The following C1orf146 variants were observed in gnomAD, a reference collection of about 807,000 sequenced individuals.
The protein encoded by C1orf146 is chromosome 1 open reading frame 146, also known as protein SPO16 homolog.
In C1orf146, 22 loss-of-function variants were observed where a neutral mutation model predicts 23.0. That is an observed-to-expected ratio of 0.96 (90% CI 0.68 to 1.36). C1orf146 has a LOEUF of 1.36. C1orf146 is among the 40% of genes most tolerant of loss of function. The pLI is 0.00. For synonymous variants in C1orf146, 59 were observed against 65.3 expected, an observed-to-expected ratio of 0.90 and a Z score of 0.47; for missense variants, 199 against 206.8, an observed-to-expected ratio of 0.96 and a Z score of 0.23.
rs1228924643 is a variant in C1orf146, at chr1:92,244,391, G to GC, written c.329+6_329+7insC. ...ATGTTCAGGATTCAGCAGAGGTATG[G>GC]AAGAATAGCATTATAGACTTATTTT... is the stretch of plus-strand genomic sequence containing the variant. On this transcript the variant is annotated splice_region_variant and intron_variant, in intron 4 of 5. Coordinates refer to ENST00000370375, the MANE Select transcript of C1orf146 (RefSeq NM_001012425.2). The GC allele has an allele frequency of 6.3e-7, 1 of 1,575,266 alleles. No homozygotes were observed. Among genetic ancestry groups the GC allele is most frequent in the Admixed American group, 2.0e-5 (1 of 49,132 alleles).
At chr1:92,231,585 C>T in intron 2 of C1orf146, 99 bp downstream of exon 2, 1 of 689,210 alleles carries the variant, frequency 1.5e-6, no homozygotes, top group Non-Finnish European at 2.4e-6. Flanking sequence ...TAATTATCCA[C>T]AATTAATTGT....
intron 1 of C1orf146, among the ~76,000 whole-genome samples, chr1:92,222,555 T>G (rs985499407): frequency 1.3e-4 from 20 of 150,212 alleles, no homozygotes; most frequent in African/African-American, 4.6e-4. Flanking sequence ...TTTTTTTTTT[T>G]TTGTCACTAT....
chr1:92,232,885 T>G (rs1302150708), intron 2 of C1orf146, among the ~76,000 whole-genome samples: 1 of 152,176 alleles, frequency 6.6e-6, no homozygotes, highest in Non-Finnish European at 1.5e-5. Flanking sequence ...TTTCATGTGT[T>G]TTTTGGCTGC....
In C1orf146 at chr1:92,229,166, C is replaced by T. The variant is rs1570789260; in HGVS notation, c.-39-2216C>T. ...CTCGGGGTGCAATGATCTTGATCTTCATGGTGCTAGGTGCCAGGGCAGTGA... is the reference window on the plus strand; with the variant it reads ...CTCGGGGTGCAATGATCTTGATCTTTATGGTGCTAGGTGCCAGGGCAGTGA... On this transcript the variant is annotated intron_variant, in intron 1 of 5. Transcript: ENST00000370375. 1.5e-5 allele frequency: 8 copies of T among 528,152 alleles called. No homozygotes were observed. In the East Asian group the frequency reaches 3.8e-4, roughly 25 times the overall value. The allele number at this position is 528,152 out of a possible 1,614,324, so 32.7% of individuals were successfully genotyped here.
chr1:92,244,130 CTTAG>C, intron 3 of C1orf146, 83 bp from the exon 4 acceptor site: 2 of 594,390 alleles, frequency 3.4e-6, no homozygotes, highest in Non-Finnish European at 5.3e-6. Context: ...ATGTGGTATA[CTTAG>C]TTATTTTGGT....
intron 1 of C1orf146, among the ~76,000 whole-genome samples, chr1:92,226,055 A>C (rs1250347716): frequency 6.6e-6 from 1 of 152,198 alleles, no homozygotes; most frequent in African/African-American, 2.4e-5. Context: ...ATACATTTTA[A>C]AATGTACAAG....
Position 92,231,612 on chromosome 1 carries a change from A to G in C1orf146, c.66+126A>G, listed in dbSNP as rs1158029254. Reference sequence around the variant, plus strand: ...ATTAATTGTGGGGAGCAGGAAGTACATAAGCTAAATGTATTTTAAAGATAA... The same window carrying G: ...ATTAATTGTGGGGAGCAGGAAGTACGTAAGCTAAATGTATTTTAAAGATAA... On this transcript the variant is annotated intron_variant, in intron 2 of 5. Coordinates refer to ENST00000370375, the MANE Select transcript of C1orf146 (RefSeq NM_001012425.2). The G allele has an allele frequency of 2.4e-5, 13 of 546,750 alleles. No homozygotes were observed. The South Asian group carries it at 3.5e-4, about 15-fold the overall frequency. 33.9% of individuals were successfully genotyped at this position (546,750 alleles called of 1,614,324 possible).
Position 92,218,817 on chromosome 1 carries a change from C to A in C1orf146, c.-40+769C>A, listed in dbSNP as rs75471007. Among the ~76,000 whole-genome samples the A allele has an allele frequency of 8.7e-3, 1,319 of 152,200 alleles. 10 individuals carry two copies. The highest frequency in any genetic ancestry group is 0.031 in the African/African-American group (1,269 of 41,504). The stretch of plus-strand genomic sequence containing the variant: ...GAGGATGCAGCCTAACCAGAGGTGA[C>A]GTGATTTGCCCAAAGCCACACAGTC... On this transcript the variant is annotated intron_variant, in intron 1 of 5. Transcript: ENST00000370375.
intron 2 of C1orf146, among the ~76,000 whole-genome samples, chr1:92,239,156 ATCT>A (rs1005772630): frequency 5.9e-5 from 9 of 152,132 alleles, no homozygotes; most frequent in Admixed American, 5.2e-4. Flanking sequence ...GCTAGGTTTT[ATCT>A]TCTTGATCAT....
chr1:92,245,397 A>G, intron 5 of C1orf146, 143 bp from the exon 6 acceptor site: 1 of 609,548 alleles, frequency 1.6e-6, no homozygotes, highest in East Asian at 3.3e-5. Context: ...CCTGTTGACT[A>G]CTCTAGTAAC....
intron 1 of C1orf146, among the ~76,000 whole-genome samples, chr1:92,228,173 A>G (rs1652015721): frequency 6.6e-6 from 1 of 152,102 alleles, no homozygotes; most frequent in Admixed American, 6.5e-5. Flanking sequence ...TAACCTATCC[A>G]TTAAATTGTT....
chr1:92,232,667 C>T (rs573303304), intron 2 of C1orf146, among the ~76,000 whole-genome samples: 30 of 151,834 alleles, frequency 2.0e-4, no homozygotes, highest in Non-Finnish European at 3.5e-4. Flanking sequence ...AGTTCTAGAT[C>T]CCTGAGGAAT....
At chr1:92,231,611 C>A in intron 2 of C1orf146, 125 bp downstream of exon 2, 1 of 550,364 alleles carries the variant, frequency 1.8e-6, no homozygotes, top group Non-Finnish European at 3.2e-6. Context: ...GCAGGAAGTA[C>A]ATAAGCTAAA....
intron 1 of C1orf146, among the ~76,000 whole-genome samples, chr1:92,219,968 A>T (rs1651780378): frequency 6.6e-6 from 1 of 152,192 alleles, no homozygotes; most frequent in African/African-American, 2.4e-5. Context: ...TTGGATTATA[A>T]TGCTATTTTA....
At chr1:92,232,487 A>G (rs1224588089) in intron 2 of C1orf146, among the ~76,000 whole-genome samples, 1 of 151,888 alleles carries the variant, frequency 6.6e-6, no homozygotes, top group African/African-American at 2.4e-5. Context: ...TATGTGCCAC[A>G]TTTTCTTAAT....
intron 1 of C1orf146, among the ~76,000 whole-genome samples, chr1:92,222,564 A>G (rs1318586758): frequency 1.8e-4 from 6 of 33,110 alleles, no homozygotes; most frequent in Non-Finnish European, 2.5e-4. Context: ...TTTTGTCACT[A>G]TAGTTTGTAT....
chr1:92,220,347 C>T (rs1452151837), intron 1 of C1orf146, among the ~76,000 whole-genome samples: 2 of 152,042 alleles, frequency 1.3e-5, no homozygotes, highest in African/African-American at 4.8e-5. Context: ...TATACACATA[C>T]AGTCATGCAT....
chr1:92,220,423 C>G (rs945646139), intron 1 of C1orf146, among the ~76,000 whole-genome samples: 1 of 152,084 alleles, frequency 6.6e-6, no homozygotes, highest in Admixed American at 6.6e-5. Context: ...GTGAGAACAT[C>G]ATAGAGTGTA....
At chr1:92,231,648 T>C (rs969721074) in intron 2 of C1orf146, among the ~76,000 whole-genome samples, 162 bp downstream of exon 2, 1 of 152,148 alleles carries the variant, frequency 6.6e-6, no homozygotes, top group African/African-American at 2.4e-5. Context: ...ATTAATAGAC[T>C]TTTTCCATTC....
Sources: gnomAD v4.1 joint callset for allele counts (sites outside exome capture counted in the v4.1 genomes callset) on GRCh38, gnomAD v4.1.1 for gene constraint, MANE v1.5 for transcripts, NCBI Gene and HGNC (gene_info 2026-07-23, HGNC 2026-07-21) for gene names.